SMC3: variants seen among roughly 807,000 people sequenced by gnomAD.
The protein encoded by SMC3 is structural maintenance of chromosomes protein 3.
In SMC3, 20 loss-of-function variants were observed where a neutral mutation model predicts 171.8. That is an observed-to-expected ratio of 0.12 (90% CI 0.08 to 0.17). The LOEUF is 0.17. Ranked by LOEUF, SMC3 falls within the 10% of genes least tolerant of loss-of-function variation. SMC3 has a pLI of 1.00. For missense variants in SMC3, 543 were observed against 1,420.4 expected (o/e 0.38, Z 9.93); for synonymous variants, 464 against 451.1 (o/e 1.03, Z -0.36).
rs767477574 is a variant in SMC3, at chr10:110,577,912, C to T, written c.348C>T (p.Val116=). ...KDQYFLDKKM[V]TKNDVMNLLE... ...AGTATTTCTTAGACAAGAAGATGGT[C>T]ACGTAAGCATTTTTCTTTTTTTTAA... Residue 116 remains valine (V), a splice_region_variant and synonymous_variant, in exon 6 of 29, where the codon GTC becomes GTT. Transcript: ENST00000361804. 6.2e-7 allele frequency: 1 copy of T among 1,603,778 alleles called. No homozygotes were observed. The highest frequency in any genetic ancestry group is 8.5e-7 in the Non-Finnish European group (1 of 1,170,870).
chr10:110,591,195 A>G, intron 17 of SMC3, 63 bp downstream of exon 17: 1 of 1,487,118 alleles, frequency 6.7e-7, no homozygotes, highest in Non-Finnish European at 9.3e-7. Flanking sequence ...CACATAATCT[A>G]ACACATGCTA....
intron 13 of SMC3, 30 bp from the exon 14 acceptor site, chr10:110,589,575 T>A (rs1861176519): frequency 7.0e-7 from 1 of 1,436,762 alleles, no homozygotes; most frequent in Non-Finnish European, 9.7e-7. Context: ...TTCATGAAAT[T>A]GAATTTTAAA....
At chr10:110,599,933 G>A (rs970580488) in intron 21 of SMC3, 121 bp downstream of exon 21, 24 of 968,308 alleles carry the variant, frequency 2.5e-5, no homozygotes, top group Non-Finnish European at 3.9e-5. Flanking sequence ...AATGAGGCTT[G>A]GACTTTTAAT....
intron 13 of SMC3, among the ~76,000 whole-genome samples, chr10:110,587,020 C>T (rs555985588): frequency 6.6e-6 from 1 of 152,150 alleles, no homozygotes. Flanking sequence ...TTTTTAAAAC[C>T]TGCAGTATGA....
chr10:110,585,231 C>T (rs1286807159), intron 13 of SMC3, among the ~76,000 whole-genome samples: 1 of 150,926 alleles, frequency 6.6e-6, no homozygotes, highest in African/African-American at 2.4e-5. Context: ...CTGCCTGCCT[C>T]AGCCTCCCAA....
Position 110,580,974 on chromosome 10 carries a change from T to A in SMC3, c.500T>A (p.Val167Glu). The change falls in exon 8 of 29, where the codon GTG becomes GAG. Residue 167 changes from valine to glutamate, a missense_variant. By Grantham distance (121) the Val-to-Glu change is moderately radical. Around this residue, in one of 8 missense-constraint regions of SMC3, gnomAD observed 146 missense variants for 437.9 expected, o/e 0.33. Coordinates refer to ENST00000361804, the MANE Select transcript of SMC3 (RefSeq NM_005445.4). Reference protein sequence around the residue: ...KLLREVAGTRVYDERKEESIS... With the variant: ...KLLREVAGTREYDERKEESIS... The stretch of plus-strand genomic sequence containing the variant: ...TTAAGAGAAGTAGCTGGTACTAGAG[T>A]GTATGACGAACGAAAGGAAGAAAGC... 6.2e-7 allele frequency: 1 copy of A among 1,608,458 alleles called. No individual in the cohort carries two copies. The highest frequency in any genetic ancestry group is 8.5e-7 in the Non-Finnish European group (1 of 1,174,906).
chr10:110,590,916 A>G, intron 16 of SMC3, 75 bp from the exon 17 acceptor site: 1 of 1,339,912 alleles, frequency 7.5e-7, no homozygotes, highest in Non-Finnish European at 1.1e-6. Flanking sequence ...CTGAGGTGGG[A>G]GGATTGATAA....
intron 17 of SMC3, 121 bp downstream of exon 17, chr10:110,591,253 T>C: frequency 1.0e-6 from 1 of 1,004,230 alleles, no homozygotes; most frequent in Non-Finnish European, 1.5e-6. Context: ...GAGATAAAAA[T>C]ATCTGTCTTC....
Position 110,567,729 on chromosome 10 carries a change from A to C in SMC3, c.-88A>C. 1 of 1,504,624 alleles carries C rather than the reference A, an allele frequency of 6.6e-7. No homozygotes were observed. Among genetic ancestry groups the C allele is most frequent in the Non-Finnish European group, 9.2e-7 (1 of 1,085,610 alleles). 93.2% of individuals were successfully genotyped at this position (1,504,624 alleles called of 1,614,324 possible). On this transcript the variant is annotated 5_prime_UTR_variant, in exon 1 of 29. Coordinates refer to ENST00000361804, the MANE Select transcript of SMC3 (RefSeq NM_005445.4). ...AGGGGAGCGAGCGGCGCTTTGGGGG[A>C]GGGGTCGCGTAGGCGCCTCACCTGA...
chr10:110,602,685 C>T lies in SMC3; in HGVS notation c.3297+20C>T, dbSNP rs1215212020. The T allele has an allele frequency of 3.7e-6, 6 of 1,601,286 alleles. No homozygotes were observed. Among genetic ancestry groups the T allele is most frequent in the Non-Finnish European group, 5.1e-6 (6 of 1,168,470 alleles). On this transcript the variant is annotated intron_variant, in intron 26 of 28. Coordinates refer to ENST00000361804, the MANE Select transcript of SMC3 (RefSeq NM_005445.4). The stretch of plus-strand genomic sequence containing the variant: ...ATTAGGGTAAAATACCTTTATATTC[C>T]ATTTTCCTCAGAGCATTACCATAAT...
Position 110,589,602 on chromosome 10 carries a change from T to C in SMC3, c.1306-3T>C, listed in dbSNP as rs1449953990. On this transcript the variant is annotated splice_region_variant and splice_polypyrimidine_tract_variant and intron_variant, in intron 13 of 28. Coordinates refer to ENST00000361804, the MANE Select transcript of SMC3 (RefSeq NM_005445.4). ...AATTTTAAATTTATTTTTATTTCCA[T>C]AGAAACTGGACCAGGATCTTAATGA... 2 of 1,573,286 alleles carry C rather than the reference T, an allele frequency of 1.3e-6. No homozygotes were observed. The highest frequency in any genetic ancestry group is 8.7e-7 in the Non-Finnish European group (1 of 1,144,114).
intron 18 of SMC3, among the ~76,000 whole-genome samples, chr10:110,595,036 G>A (rs984650862): frequency 2.0e-5 from 3 of 151,062 alleles, no homozygotes; most frequent in African/African-American, 7.3e-5. Flanking sequence ...AGGCTGGAGT[G>A]CAGTGGCATG....
In SMC3 at chr10:110,567,744, G is replaced by A. The variant is rs1590544838; in HGVS notation, c.-73G>A. 4 of 1,583,124 alleles carry A rather than the reference G, an allele frequency of 2.5e-6. No individual in the cohort carries two copies. Among genetic ancestry groups the A allele is most frequent in the Middle Eastern group, 1.8e-4 (1 of 5,700 alleles). On this transcript the variant is annotated 5_prime_UTR_variant, in exon 1 of 29. Transcript: ENST00000361804. ...GCTTTGGGGGAGGGGTCGCGTAGGC[G>A]CCTCACCTGACCCTGCGGCCGTGCG...
At chr10:110,590,383 T>C (rs749958119) in intron 15 of SMC3, 29 bp from the exon 16 acceptor site, 40 of 1,592,652 alleles carry the variant, frequency 2.5e-5, no homozygotes, top group Non-Finnish European at 3.2e-5. Context: ...GATATTATTT[T>C]AATATTTTTC....
intron 22 of SMC3, 49 bp downstream of exon 22, chr10:110,600,595 G>C (rs1282884233): frequency 5.4e-6 from 5 of 919,852 alleles, no homozygotes; most frequent in Non-Finnish European, 9.1e-6. Context: ...TGGTGGCCAT[G>C]ACCTATTGCA....
chr10:110,570,105 G>A lies in SMC3; in HGVS notation c.91+1092G>A, dbSNP rs78208228. Among the ~76,000 whole-genome samples the A allele has an allele frequency of 4.6e-5, 7 of 152,272 alleles. No homozygotes were observed. In the East Asian group the frequency reaches 1.2e-3, roughly 25 times the overall value. ...AGGATACCTGCATGGTTAGGTTCTCGTGAGGCTCTCTTCCTGGCTTATGGA... is the reference window on the plus strand; with the variant it reads ...AGGATACCTGCATGGTTAGGTTCTCATGAGGCTCTCTTCCTGGCTTATGGA... On this transcript the variant is annotated intron_variant, in intron 2 of 28. Transcript: ENST00000361804.
intron 20 of SMC3, 119 bp downstream of exon 20, chr10:110,598,409 A>T: frequency 1.4e-5 from 16 of 1,134,212 alleles, no homozygotes; most frequent in Admixed American, 9.9e-5. Flanking sequence ...TTGGACCCAT[A>T]CTTTTTTTTT....
chr10:110,571,249 A>G (rs1463591190), intron 2 of SMC3, among the ~76,000 whole-genome samples: 4 of 152,240 alleles, frequency 2.6e-5, no homozygotes, highest in Non-Finnish European at 4.4e-5. Context: ...TTTCCTAGAA[A>G]ACAGCACAGA....
intron 13 of SMC3, among the ~76,000 whole-genome samples, chr10:110,586,857 A>ATGT (rs1434492126): frequency 3.9e-5 from 6 of 152,056 alleles, no homozygotes; most frequent in African/African-American, 1.2e-4. Context: ...GGGTTTCACC[A>ATGT]TGTTGGTCAG....
Sources: allele counts gnomAD v4.1 joint callset (sites outside exome capture counted in the v4.1 genomes callset), GRCh38; gene constraint gnomAD v4.1.1; regional missense constraint gnomAD v4.1.1; transcripts MANE v1.5; gene names NCBI Gene and HGNC (gene_info 2026-07-23, HGNC 2026-07-21).